The following SPAST variants were observed in gnomAD, a reference collection of about 807,000 sequenced individuals.
SPAST encodes the protein spastin.
In SPAST, 30 loss-of-function variants were observed where a neutral mutation model predicts 76.6. The observed-to-expected ratio is 0.39, with a 90% CI of 0.29 to 0.53. The LOEUF is 0.53. Ranked by LOEUF, SPAST falls within the 20% of genes least tolerant of loss-of-function variation. The pLI, the probability that SPAST is intolerant of heterozygous loss-of-function variation, is 0.68. For synonymous variants in SPAST, 305 were observed against 281.0 expected (o/e 1.09, Z -0.86); for missense variants, 717 against 770.5 (o/e 0.93, Z 0.82).
At chr2:32,143,810 G>A (rs1481390390) in intron 14 of SPAST, among the ~76,000 whole-genome samples, 1 of 152,086 alleles carries the variant, frequency 6.6e-6, no homozygotes, top group Non-Finnish European at 1.5e-5. Context: ...AGGTTGATGT[G>A]GGAGGATCGC....
chr2:32,114,438 GA>G (rs922779985), intron 4 of SPAST, among the ~76,000 whole-genome samples, 199 bp from the exon 5 acceptor site: 2 of 152,028 alleles, frequency 1.3e-5, no homozygotes, highest in South Asian at 2.1e-4. Flanking sequence ...ACGTTAGGGG[GA>G]AAAAACCTAA....
At chr2:32,115,273 C>A (rs1678785765) in intron 5 of SPAST, among the ~76,000 whole-genome samples, 1 of 152,080 alleles carries the variant, frequency 6.6e-6, no homozygotes, top group South Asian at 2.1e-4. Flanking sequence ...ATCCACAGGG[C>A]AACTTGCTAT....
At chr2:32,082,188 T>C (rs1292518367) in intron 1 of SPAST, among the ~76,000 whole-genome samples, 2 of 150,996 alleles carry the variant, frequency 1.3e-5, no homozygotes, top group Non-Finnish European at 3.0e-5. Flanking sequence ...AGATTGGGTT[T>C]CATCATGTTG....
chr2:32,067,487 G>T (rs1330008848), intron 1 of SPAST, among the ~76,000 whole-genome samples: 1 of 152,152 alleles, frequency 6.6e-6, no homozygotes, highest in Non-Finnish European at 1.5e-5. Flanking sequence ...AGAAATAGCA[G>T]TTCCATGTGA....
intron 4 of SPAST, among the ~76,000 whole-genome samples, chr2:32,103,898 A>G (rs368484845): frequency 2.0e-3 from 300 of 152,250 alleles, no homozygotes; most frequent in African/African-American, 2.5e-3. Context: ...TATGTGGTCA[A>G]TTTTGGAATA....
chr2:32,152,755 T>G (rs1462169410), intron 16 of SPAST, among the ~76,000 whole-genome samples: 2 of 143,670 alleles, frequency 1.4e-5, no homozygotes, highest in African/African-American at 2.5e-5. Flanking sequence ...GTTTTTGGGG[T>G]TTTTTTTTTT....
At chr2:32,140,788 T>TTTTTTTTTTTTTTTTTTGAGAC (rs1553318893) in intron 12 of SPAST, among the ~76,000 whole-genome samples, 1 of 151,350 alleles carries the variant, frequency 6.6e-6, no homozygotes, top group Non-Finnish European at 1.5e-5. Flanking sequence ...ATTAAATTTT[T>TTTTTTTTTTTTTTTTTTGAGAC]AAAAAATTAA....
intron 3 of SPAST, among the ~76,000 whole-genome samples, chr2:32,093,028 A>G (rs1216937355): frequency 7.0e-6 from 1 of 143,190 alleles, no homozygotes; most frequent in Non-Finnish European, 1.5e-5. Context: ...AACGCCGGGC[A>G]CTGTGGCTCA....
At chr2:32,109,847 C>G (rs562017660) in intron 4 of SPAST, among the ~76,000 whole-genome samples, 53 of 148,462 alleles carry the variant, frequency 3.6e-4, no homozygotes, top group African/African-American at 1.2e-3. Flanking sequence ...TATGCATATA[C>G]ATATATAGTT....
At chr2:32,118,827 G>A (rs1678926973) in intron 7 of SPAST, among the ~76,000 whole-genome samples, 1 of 152,070 alleles carries the variant, frequency 6.6e-6, no homozygotes, top group Admixed American at 6.6e-5. Context: ...AAATTGTGAA[G>A]GTAATACCAA....
intron 4 of SPAST, among the ~76,000 whole-genome samples, chr2:32,114,036 G>A (rs1483660899): frequency 1.3e-5 from 2 of 150,832 alleles, no homozygotes; most frequent in South Asian, 2.1e-4. Context: ...CTCTGACTCC[G>A]TGGTTCAAGC....
At chr2:32,065,595 A>G (rs1201387704) in intron 1 of SPAST, among the ~76,000 whole-genome samples, 1 of 152,198 alleles carries the variant, frequency 6.6e-6, no homozygotes, top group Non-Finnish European at 1.5e-5. Flanking sequence ...TCTAACTTTT[A>G]CAATTCTCCC....
chr2:32,135,118 T>TTGTGTGTGTG (rs57308975), intron 9 of SPAST, among the ~76,000 whole-genome samples: 208 of 147,482 alleles, frequency 1.4e-3, no homozygotes, highest in Middle Eastern at 3.4e-3. Flanking sequence ...TCTGATAATT[T>TTGTGTGTGTG]TGTGTGTGTG....
intron 3 of SPAST, among the ~76,000 whole-genome samples, chr2:32,098,022 T>G (rs1008359006): frequency 6.6e-6 from 1 of 152,134 alleles, no homozygotes; most frequent in African/African-American, 2.4e-5. Context: ...TCTTTTCAAA[T>G]TCTAGCCAGT....
intron 1 of SPAST, among the ~76,000 whole-genome samples, chr2:32,070,248 A>G (rs1442692480): frequency 1.3e-5 from 2 of 151,756 alleles, no homozygotes; most frequent in South Asian, 2.1e-4. Context: ...TTGTATTTTT[A>G]GGAGAGACAG....
At position 32,063,954 on chromosome 2, in the gene SPAST, G is replaced by A. The variant is rs911769775; in HGVS notation, c.123G>A (p.Pro41=). The A allele has an allele frequency of 1.2e-6, 2 of 1,605,658 alleles. No individual in the cohort carries two copies. The highest frequency in any genetic ancestry group is 2.2e-5 in the South Asian group (2 of 90,608). The change falls in exon 1 of 17, where the codon CCG becomes CCA. Residue 41 remains proline, a synonymous_variant. Transcript: ENST00000315285. ...PAPPAAGPAP[P]PESPHKRNLY... ...CTCCCGCCGCCGGGCCGGCCCCTCCGCCCGAGTCGCCGCATAAGCGGAACC... is the reference window on the plus strand; with the variant it reads ...CTCCCGCCGCCGGGCCGGCCCCTCCACCCGAGTCGCCGCATAAGCGGAACC...
intron 3 of SPAST, among the ~76,000 whole-genome samples, chr2:32,095,201 C>G (rs1395318585): frequency 6.6e-6 from 1 of 152,086 alleles, no homozygotes; most frequent in Non-Finnish European, 1.5e-5. Flanking sequence ...GGTCGAACAA[C>G]TAGATTTGCT....
intron 4 of SPAST, among the ~76,000 whole-genome samples, chr2:32,101,283 A>C (rs78733036): frequency 0.41 from 61,594 of 151,860 alleles, 12,820 homozygotes; most frequent in East Asian, 0.64. Context: ...CTGTTCATAT[A>C]CTTTGCCCAC....
rs745798224 is a variant in SPAST at position 32,147,277 on chromosome 2, A to G, written c.1728+19A>G. On this transcript the variant is annotated intron_variant, in intron 16 of 16. Transcript: ENST00000315285. ...CAGTGAGGTATAGTATTTTACAATG[A>G]TATTTTCTTTGTCTTCTATATTGTA... 4 of 1,536,374 alleles carry G rather than the reference A, an allele frequency of 2.6e-6. 1 individual carries two copies. Among genetic ancestry groups the G allele is most frequent in the South Asian group, 2.2e-5 (2 of 89,562 alleles).
Sources: allele counts gnomAD v4.1 joint callset (sites outside exome capture counted in the v4.1 genomes callset), GRCh38; gene constraint gnomAD v4.1.1; transcripts MANE v1.5; gene names NCBI Gene and HGNC (gene_info 2026-07-23, HGNC 2026-07-21).